GALNTL5: variants seen among roughly 807,000 people sequenced by gnomAD.
GALNTL5 encodes polypeptide N-acetylgalactosaminyltransferase like 5, also known as inactive polypeptide N-acetylgalactosaminyltransferase-like protein 5.
In GALNTL5, 44 loss-of-function variants were observed where a neutral mutation model predicts 51.0. That is an observed-to-expected ratio of 0.86 (90% CI 0.68 to 1.11). GALNTL5 has a LOEUF of 1.11. GALNTL5 is among the 50% of genes least tolerant of loss of function. GALNTL5 has a pLI of 0.00. For synonymous variants in GALNTL5, 192 were observed against 182.8 expected (o/e 1.05, Z -0.41); for missense variants, 528 against 531.8 (o/e 0.99, Z 0.07).
At chr7:151,971,279 G>A (rs1018421012) in intron 3 of GALNTL5, among the ~76,000 whole-genome samples, 11 of 152,080 alleles carry the variant, frequency 7.2e-5, no homozygotes, top group African/African-American at 9.7e-5. Flanking sequence ...TGTCTTCTTC[G>A]TGGGCACAAA....
chr7:151,965,723 T>A (rs6963370), intron 1 of GALNTL5, among the ~76,000 whole-genome samples: 8,156 of 151,864 alleles, frequency 0.054, 284 homozygotes, highest in East Asian at 0.2. Flanking sequence ...TACAAAAAAA[T>A]AATAATAATA....
chr7:151,981,879 C>G (rs1482368628), intron 3 of GALNTL5, among the ~76,000 whole-genome samples: 1 of 151,082 alleles, frequency 6.6e-6, no homozygotes, highest in African/African-American at 2.4e-5. Context: ...AACTCCTGAC[C>G]TCATGTGATT....
At position 152,002,770 on chromosome 7, in the gene GALNTL5, C is replaced by A. The variant is rs748193048; in HGVS notation, c.715C>A (p.Pro239Thr). The A allele has an allele frequency of 1.2e-5, 20 of 1,613,774 alleles. No individual in the cohort carries two copies. Among genetic ancestry groups the A allele is most frequent in the African/African-American group, 2.7e-5 (2 of 74,896 alleles). Residue 239 changes from proline (P) to threonine (T), a missense_variant, in exon 6 of 9, where the codon CCC becomes ACC. Coordinates refer to ENST00000392800, the MANE Select transcript of GALNTL5 (RefSeq NM_145292.4). The stretch of plus-strand genomic sequence containing the variant: ...TGAGGTGAACAGAGTATGGCTGGAG[C>A]CCCTGCTGCATGCCATTGCCAAGGA... The part of the protein sequence containing the change: ...HCEVNRVWLE[P>T]LLHAIAKDPK...
chr7:151,961,568 G>A (rs980061188), intron 1 of GALNTL5, among the ~76,000 whole-genome samples: 9 of 152,174 alleles, frequency 5.9e-5, no homozygotes, highest in Non-Finnish European at 8.8e-5. Context: ...ACAAAAATGG[G>A]AGACAATAGT....
At chr7:151,999,471 C>A (rs2081544017) in intron 5 of GALNTL5, among the ~76,000 whole-genome samples, 1 of 152,216 alleles carries the variant, frequency 6.6e-6, no homozygotes, top group Non-Finnish European at 1.5e-5. Flanking sequence ...TACACTCCCA[C>A]CAGCAATGTG....
At chr7:151,969,870 G>A (rs1440820500) in intron 2 of GALNTL5, among the ~76,000 whole-genome samples, 3 of 152,126 alleles carry the variant, frequency 2.0e-5, no homozygotes, top group African/African-American at 4.8e-5. Context: ...GCAGTGGCAC[G>A]ATCTCGGCTC....
chr7:151,957,932 G>C (rs1374463886), intron 1 of GALNTL5: 5 of 152,166 alleles, frequency 3.3e-5, no homozygotes, highest in Admixed American at 3.3e-4. Flanking sequence ...GGGGTGGGTT[G>C]GGAGGTGAGG....
In GALNTL5 at chr7:151,967,141, G is replaced by A. The variant is rs1105320; in HGVS notation, c.-39-67G>A. The A allele has an allele frequency of 9.3e-3, 9,406 of 1,008,732 alleles. 62 individuals are homozygous for A. Among genetic ancestry groups the A allele is most frequent in the Non-Finnish European group, 0.012 (8,228 of 688,902 alleles). The allele number at this position is 1,008,732 out of a possible 1,614,324, so 62.5% of individuals were successfully genotyped here. A position where few individuals can be genotyped will look rare whatever the true frequency, so the allele number is the denominator to read the frequency against. On this transcript the variant is annotated intron_variant, in intron 1 of 8. Transcript: ENST00000392800. Reference sequence around the variant, plus strand: ...TTAAAACACTAAAAATGGAATTTAAGCCAAGTAGGTGATCTACAAACCATT... The same window carrying A: ...TTAAAACACTAAAAATGGAATTTAAACCAAGTAGGTGATCTACAAACCATT...
intron 1 of GALNTL5, among the ~76,000 whole-genome samples, chr7:151,964,396 G>T (rs748072042): frequency 1.2e-4 from 19 of 152,114 alleles, no homozygotes; most frequent in Non-Finnish European, 1.9e-4. Context: ...CACGTGCTGT[G>T]TGAGGAACCC....
intron 8 of GALNTL5, 111 bp downstream of exon 8, chr7:152,014,904 A>G: frequency 1.0e-6 from 1 of 981,958 alleles, no homozygotes; most frequent in Non-Finnish European, 1.5e-6. Flanking sequence ...GGAGGTCATT[A>G]TCCTAAGCAA....
intron 3 of GALNTL5, among the ~76,000 whole-genome samples, chr7:151,976,523 A>T (rs1198857433): frequency 6.6e-6 from 1 of 151,892 alleles, no homozygotes; most frequent in Non-Finnish European, 1.5e-5. Context: ...CTTAAAGGGG[A>T]AGTGAGTTTC....
At chr7:152,018,030 GA>G (rs1318458723) in intron 8 of GALNTL5, among the ~76,000 whole-genome samples, 19 of 152,090 alleles carry the variant, frequency 1.2e-4, no homozygotes, top group Admixed American at 7.2e-4. Context: ...ATTTTTAACA[GA>G]GACGGGGTTT....
intron 3 of GALNTL5, among the ~76,000 whole-genome samples, chr7:151,975,752 T>C (rs1204909953): frequency 6.6e-6 from 1 of 152,140 alleles, no homozygotes; most frequent in Non-Finnish European, 1.5e-5. Context: ...TATGTTTTGG[T>C]ATTTTTTTTT....
At chr7:151,980,560 T>C (rs10464436) in intron 3 of GALNTL5, among the ~76,000 whole-genome samples, 62,604 of 151,432 alleles carry the variant, frequency 0.41, 13,132 homozygotes, top group Middle Eastern at 0.5. Flanking sequence ...GCATGACTTC[T>C]CTGTCTTCAT....
intron 3 of GALNTL5, among the ~76,000 whole-genome samples, chr7:151,974,745 C>A (rs1226590075): frequency 6.6e-6 from 1 of 152,154 alleles, no homozygotes; most frequent in Non-Finnish European, 1.5e-5. Context: ...CTCTCTGTAT[C>A]ATCATTTGTT....
chr7:151,967,037 T>C (rs951096573), intron 1 of GALNTL5, among the ~76,000 whole-genome samples, 171 bp from the exon 2 acceptor site: 1 of 152,236 alleles, frequency 6.6e-6, no homozygotes, highest in Admixed American at 6.5e-5. Context: ...ATCTTAGGAA[T>C]ATCAGTTTTA....
intron 3 of GALNTL5, among the ~76,000 whole-genome samples, chr7:151,972,640 T>C (rs1398258656): frequency 6.6e-6 from 1 of 152,168 alleles, no homozygotes; most frequent in Non-Finnish European, 1.5e-5. Context: ...GCTCCAGCCA[T>C]GGCCAAAAGG....
At position 151,983,260 on chromosome 7, in the gene GALNTL5, C is replaced by T. The variant is rs750560093; in HGVS notation, c.535+108C>T. On this transcript the variant is annotated intron_variant, in intron 4 of 8. Transcript: ENST00000392800. The stretch of plus-strand genomic sequence containing the variant: ...TGGTACCATCTCGGCTCACTGCAAC[C>T]TCTGCCTCCTGAGTTCAAGCGATTC... 16 of 901,654 alleles carry T rather than the reference C, an allele frequency of 1.8e-5. 1 individual carries two copies. The highest frequency in any genetic ancestry group is 2.9e-5 in the Non-Finnish European group (16 of 560,282). The allele number at this position is 901,654 out of a possible 1,614,324, so 55.9% of individuals were successfully genotyped here. A position where few individuals can be genotyped will look rare whatever the true frequency, so the allele number is the denominator to read the frequency against.
rs201218158 is a variant in GALNTL5, at chr7:151,981,544, C to CCCTTCCTTCCTT, written c.369-1407_369-1396dup. On this transcript the variant is annotated intron_variant, in intron 3 of 8. Transcript: ENST00000392800. ...AGTCAGCTCACAATACATCTCTCTT[C>CCCTTCCTTCCTT]CCTTCCTTCCTTCCTTCCTTCCTTC... 7.3e-4 allele frequency among the ~76,000 whole-genome samples: 95 copies of CCCTTCCTTCCTT among 130,654 alleles called. 1 individual carries two copies. Among genetic ancestry groups the CCCTTCCTTCCTT allele is most frequent in the African/African-American group, 2.3e-3 (78 of 33,946 alleles). The allele number at this position is 130,654 out of a possible 152,430, so 85.7% of individuals were successfully genotyped here. A position where few individuals can be genotyped will look rare whatever the true frequency, so the allele number is the denominator to read the frequency against.
Sources: gnomAD v4.1 joint callset for allele counts (sites outside exome capture counted in the v4.1 genomes callset) on GRCh38, gnomAD v4.1.1 for gene constraint, MANE v1.5 for transcripts, NCBI Gene and HGNC (gene_info 2026-07-23, HGNC 2026-07-21) for gene names.